The following PIP5KL1 variants were observed in gnomAD, a reference collection of about 807,000 sequenced individuals.
The protein encoded by PIP5KL1 is phosphatidylinositol-4-phosphate 5-kinase like 1.
Under a neutral mutation model 47.6 loss-of-function variants are expected in PIP5KL1, and 45 were observed. The observed-to-expected ratio is 0.94, with a 90% CI of 0.74 to 1.21. The LOEUF is 1.21. Among genes scored for constraint, PIP5KL1 ranks in the 50% most tolerant of loss-of-function variants. PIP5KL1 has a pLI of 0.00. For missense variants in PIP5KL1, 577 were observed against 547.6 expected (o/e 1.05, Z -0.54); for synonymous variants, 256 against 234.6 (o/e 1.09, Z -0.84).
At chr9:127,925,744 G>T in intron 8 of PIP5KL1, 123 bp downstream of exon 8, 8 of 824,490 alleles carry the variant, frequency 9.7e-6, no homozygotes, top group Non-Finnish European at 1.4e-5. Flanking sequence ...AATTACAGGC[G>T]TGAGCCACGG....
chr9:127,929,582 T>G lies in PIP5KL1; in HGVS notation c.228+106A>C, dbSNP rs569371267. 2.5e-6 allele frequency: 3 copies of G among 1,177,784 alleles called. No homozygotes were observed. Among genetic ancestry groups the G allele is most frequent in the Middle Eastern group, 2.3e-4 (1 of 4,294 alleles). The allele number at this position is 1,177,784 out of a possible 1,614,324, so 73.0% of individuals were successfully genotyped here. On this transcript the variant is annotated intron_variant, in intron 2 of 9. Coordinates refer to ENST00000388747, the MANE Select transcript of PIP5KL1 (RefSeq NM_001135219.2). The surrounding 1 kb of genome is among the most constrained non-coding windows in gnomAD (Gnocchi z 4.0). ...TCCTCCCTCTCTGCCTTCCTCCCCT[T>G]GATATCCCTCTCTGATCCCCACACC... is the stretch of plus-strand genomic sequence containing the variant.
At chr9:127,930,637 G>A (rs1448204066) in intron 1 of PIP5KL1, 86 bp downstream of exon 1, 23 of 1,420,272 alleles carry the variant, frequency 1.6e-5, no homozygotes, top group Non-Finnish European at 1.9e-5. Context: ...TTGGATGGGG[G>A]CGTGTCCGCG....
Position 127,921,217 on chromosome 9 carries a change from C to G in PIP5KL1, c.*630G>C, listed in dbSNP as rs1322567930. On this transcript the variant is annotated 3_prime_UTR_variant, in exon 10 of 10. Transcript: ENST00000388747. ...AAGTGACTTTCAGAGGAGGGCAGAG[C>G]TCACCTGAGATCAGTAGTAGACCCC... 1.3e-5 allele frequency: 2 copies of G among 152,444 alleles called. No individual in the cohort carries two copies. Among genetic ancestry groups the G allele is most frequent in the Non-Finnish European group, 1.5e-5 (1 of 68,208 alleles). 9.4% of individuals were successfully genotyped at this position (152,444 alleles called of 1,614,324 possible). A position where few individuals can be genotyped will look rare whatever the true frequency, so the allele number is the denominator to read the frequency against.
Position 127,922,003 on chromosome 9 carries a change from G to A in PIP5KL1, c.1029C>T (p.Phe343=). The A allele has an allele frequency of 6.3e-7, 1 of 1,576,900 alleles. No individual in the cohort carries two copies. Among genetic ancestry groups the A allele is most frequent in the Non-Finnish European group, 8.6e-7 (1 of 1,162,354 alleles). The change falls in exon 10 of 10, where the codon TTC becomes TTT. Residue 343 remains phenylalanine (F), a synonymous_variant. Coordinates refer to ENST00000388747, the MANE Select transcript of PIP5KL1 (RefSeq NM_001135219.2). ...CTGTGGCGAGATCCACGACGCCCAG[G>A]AAATAGCGCTGCTCGGGCCCGTCCA... is the stretch of plus-strand genomic sequence containing the variant. ...HILDGPEQRY[F]LGVVDLATVY... is the part of the protein sequence containing the mutation.
At chr9:127,923,238 G>T (rs1283023086) in intron 9 of PIP5KL1, among the ~76,000 whole-genome samples, 1 of 152,218 alleles carries the variant, frequency 6.6e-6, no homozygotes, top group Admixed American at 6.5e-5. Context: ...TGTCCTGTCT[G>T]GGTCTCGGGG....
At chr9:127,928,741 T>A in intron 2 of PIP5KL1, 3 of 551,890 alleles carry the variant, frequency 5.4e-6, no homozygotes, top group South Asian at 2.1e-5. Flanking sequence ...CACCAGGCCA[T>A]GAGTTCAAGC....
At chr9:127,928,351 C>A (rs1831393811) in intron 3 of PIP5KL1, 82 bp downstream of exon 3, 2 of 1,542,112 alleles carry the variant, frequency 1.3e-6, no homozygotes, top group Non-Finnish European at 1.8e-6. Flanking sequence ...AGCCTTCACT[C>A]CCACTGCACA....
Position 127,921,818 on chromosome 9 carries a change from C to A in PIP5KL1, c.*29G>T. On this transcript the variant is annotated 3_prime_UTR_variant, in exon 10 of 10. Transcript: ENST00000388747. ...GCGTTCCTGGCGTGAGCCCATCGTC[C>A]AGATCCGGAGAGTGGGGCCGGGCGC... 6.4e-7 allele frequency: 1 copy of A among 1,556,466 alleles called. No individual in the cohort carries two copies. The highest frequency in any genetic ancestry group is 1.2e-5 in the South Asian group (1 of 85,812).
rs1318627986 is a variant in PIP5KL1, at chr9:127,923,351, TGA to T, written c.918-1239_918-1238del. Among the ~76,000 whole-genome samples, 10 of 151,050 alleles carry T rather than the reference TGA, an allele frequency of 6.6e-5. No homozygotes were observed. In the East Asian group the frequency reaches 1.9e-3, roughly 29 times the overall value. On this transcript the variant is annotated intron_variant, in intron 9 of 9. Transcript: ENST00000388747. ...GCTGGTACCCTGTGGGCTACCTGGA[TGA>T]TGGGGAGATGTGGGATGGGGGCGTT... is the stretch of plus-strand genomic sequence containing the variant.
chr9:127,921,823 C>A lies in PIP5KL1; in HGVS notation c.*24G>T, dbSNP rs1831284886. 3 of 1,561,744 alleles carry A rather than the reference C, an allele frequency of 1.9e-6. No individual in the cohort carries two copies. Among genetic ancestry groups the A allele is most frequent in the East Asian group, 2.3e-5 (1 of 42,592 alleles). ...CCTGGCGTGAGCCCATCGTCCAGAT[C>A]CGGAGAGTGGGGCCGGGCGCCCGTC... On this transcript the variant is annotated 3_prime_UTR_variant, in exon 10 of 10. Coordinates refer to ENST00000388747, the MANE Select transcript of PIP5KL1 (RefSeq NM_001135219.2).
At chr9:127,928,567 C>T in intron 2 of PIP5KL1, 84 bp from the exon 3 acceptor site, 1 of 1,319,470 alleles carries the variant, frequency 7.6e-7, no homozygotes, top group Non-Finnish European at 1.0e-6. Flanking sequence ...TGCACCTGGC[C>T]CGTCCCCCAC....
At chr9:127,922,302 G>C (rs1434858195) in intron 9 of PIP5KL1, among the ~76,000 whole-genome samples, 188 bp from the exon 10 acceptor site, 1 of 142,770 alleles carries the variant, frequency 7.0e-6, no homozygotes, top group African/African-American at 2.6e-5. Flanking sequence ...CTGTTCAGTA[G>C]ACATTGGCCA....
chr9:127,921,906 C>T lies in PIP5KL1; in HGVS notation c.1126G>A (p.Val376Ile). The T allele has an allele frequency of 6.3e-7, 1 of 1,577,904 alleles. No individual in the cohort carries two copies. The highest frequency in any genetic ancestry group is 8.6e-7 in the Non-Finnish European group (1 of 1,164,744). Residue 376 changes from valine (V) to isoleucine (I), a missense_variant, in exon 10 of 10, where the codon GTC becomes ATC. Transcript: ENST00000388747. ...LRYPGRTFST[V>I]SPARYARRLC... ...CGACGGGCGTAGCGAGCCGGGCTGA[C>T]AGTGGAGAAGGTCCGGCCTGGGTAG...
At chr9:127,928,549 A>G (rs1831396652) in intron 2 of PIP5KL1, 66 bp from the exon 3 acceptor site, 3 of 1,447,742 alleles carry the variant, frequency 2.1e-6, no homozygotes, top group Admixed American at 2.4e-5. Context: ...CAGGATCTCC[A>G]GATGTCCTGC....
intron 1 of PIP5KL1, among the ~76,000 whole-genome samples, 184 bp from the exon 2 acceptor site, chr9:127,930,069 A>C (rs1831415959): frequency 6.6e-6 from 1 of 152,182 alleles, no homozygotes. Flanking sequence ...GCACGCAGTC[A>C]GCACCCGAAT....
chr9:127,926,037 C>A lies in PIP5KL1; in HGVS notation c.651-58G>T. The A allele has an allele frequency of 3.1e-6, 4 of 1,280,864 alleles. No homozygotes were observed. The South Asian group carries it at 5.3e-5, about 17-fold the overall frequency. The allele number at this position is 1,280,864 out of a possible 1,614,324, so 79.3% of individuals were successfully genotyped here. On this transcript the variant is annotated intron_variant, in intron 7 of 9. Coordinates refer to ENST00000388747, the MANE Select transcript of PIP5KL1 (RefSeq NM_001135219.2). ...GATTTGAGACACAGAGAGAATCTCA[C>A]AAGAGCTTCCAGTGACTACTTATGT...
At chr9:127,930,621 C>T in intron 1 of PIP5KL1, 102 bp downstream of exon 1, 4 of 1,360,732 alleles carry the variant, frequency 2.9e-6, no homozygotes, top group East Asian at 3.1e-5. Context: ...AGGGCCCCTC[C>T]CAGGCTTGGA....
chr9:127,926,009 A>C (rs773034563), intron 7 of PIP5KL1, 30 bp from the exon 8 acceptor site: 1 of 1,528,380 alleles, frequency 6.5e-7, no homozygotes, highest in Admixed American at 1.7e-5. Context: ...TCAGCTTTAC[A>C]TAGATTTGAG....
chr9:127,922,721 AAAAGAAAAAAG>A (rs2131634403), intron 9 of PIP5KL1, among the ~76,000 whole-genome samples: 1 of 151,518 alleles, frequency 6.6e-6, no homozygotes, highest in African/African-American at 2.4e-5. Flanking sequence ...AGAAAAAAGA[AAAAGAAAAAAG>A]AAAAGAAAAG....
Sources: allele counts gnomAD v4.1 joint callset (sites outside exome capture counted in the v4.1 genomes callset), GRCh38; gene constraint gnomAD v4.1.1; non-coding constraint Gnocchi (gnomAD v3.1); transcripts MANE v1.5; gene names NCBI Gene and HGNC (gene_info 2026-07-23, HGNC 2026-07-21).